Variants in MAGI1 observed in about 807,000 individuals in gnomAD.
The protein encoded by MAGI1 is membrane-associated guanylate kinase, WW and PDZ domain-containing protein 1.
MAGI1 carries 58 observed loss-of-function variants against 139.9 expected under a neutral mutation model. That is an observed-to-expected ratio of 0.41 (90% CI 0.34 to 0.52). The LOEUF (loss-of-function observed/expected upper bound fraction) is 0.52. Ranked by LOEUF, MAGI1 falls within the 20% of genes least tolerant of loss-of-function variation. The pLI is 0.12. For synonymous variants in MAGI1, 812 were observed against 737.9 expected (o/e 1.10, Z -1.63); for missense variants, 1,874 against 1,901.6 (o/e 0.99, Z 0.27).
intron 2 of MAGI1, among the ~76,000 whole-genome samples, chr3:65,607,980 C>T (rs999763616): frequency 7.9e-5 from 12 of 152,236 alleles, no homozygotes; most frequent in African/African-American, 2.7e-4. Flanking sequence ...ACTTAATCCT[C>T]GTGTGATTCT....
intron 2 of MAGI1, among the ~76,000 whole-genome samples, chr3:65,496,574 T>C (rs1298851620): frequency 6.6e-6 from 1 of 152,164 alleles, no homozygotes; most frequent in Non-Finnish European, 1.5e-5. Flanking sequence ...AGAACAGACA[T>C]ATTAAAAGTA....
At chr3:65,541,620 G>C (rs374193242) in intron 2 of MAGI1, among the ~76,000 whole-genome samples, 3 of 152,090 alleles carry the variant, frequency 2.0e-5, no homozygotes, top group Admixed American at 2.0e-4. Context: ...TTCAACGTAC[G>C]CAAATCAATA....
intron 1 of MAGI1, among the ~76,000 whole-genome samples, chr3:65,649,411 G>C (rs2085459232): frequency 6.6e-6 from 1 of 152,090 alleles, no homozygotes. Context: ...TAAAATGTGT[G>C]AAGTCTTTGG....
At chr3:65,359,866 G>T in intron 22 of MAGI1, 1 of 985,286 alleles carries the variant, frequency 1.0e-6, no homozygotes, top group Non-Finnish European at 1.2e-6. Flanking sequence ...ACTCTCAAAT[G>T]AAATATCACA....
At chr3:65,669,061 T>C (rs1391547262) in intron 1 of MAGI1, among the ~76,000 whole-genome samples, 12 of 151,922 alleles carry the variant, frequency 7.9e-5, no homozygotes, top group Admixed American at 2.6e-4. Context: ...CTCAGCCTCC[T>C]GAGTAGCTGG....
At position 65,888,629 on chromosome 3, in the gene MAGI1, C is replaced by T. The variant is rs1020008424; in HGVS notation, c.313+149367G>A. On this transcript the variant is annotated intron_variant, in intron 1 of 22. Transcript: ENST00000402939. ...TGGATTCACAAGTCTTAAACACACACATATACACAAGTACATACACATTTA... is the reference window on the plus strand; with the variant it reads ...TGGATTCACAAGTCTTAAACACACATATATACACAAGTACATACACATTTA... Among the ~76,000 whole-genome samples the T allele has an allele frequency of 2.0e-4, 31 of 152,116 alleles. 1 individual carries two copies. Among genetic ancestry groups the T allele is most frequent in the Non-Finnish European group, 1.8e-4 (12 of 68,022 alleles).
At chr3:65,561,000 G>A (rs1280234167) in intron 2 of MAGI1, among the ~76,000 whole-genome samples, 1 of 152,112 alleles carries the variant, frequency 6.6e-6, no homozygotes, top group Non-Finnish European at 1.5e-5. Flanking sequence ...CTATCAGTAT[G>A]GCAGATATAC....
chr3:65,959,422 T>C (rs979900413), intron 1 of MAGI1, among the ~76,000 whole-genome samples: 1 of 152,106 alleles, frequency 6.6e-6, no homozygotes, highest in African/African-American at 2.4e-5. Flanking sequence ...ACTATGTCTG[T>C]GCACAGTAAG....
chr3:65,411,941 C>A (rs1945826976), intron 12 of MAGI1, among the ~76,000 whole-genome samples: 1 of 152,160 alleles, frequency 6.6e-6, no homozygotes. Flanking sequence ...TAGATGACCA[C>A]ATGAGTCCAG....
At chr3:65,832,315 G>A (rs1275741280) in intron 1 of MAGI1, among the ~76,000 whole-genome samples, 1 of 152,306 alleles carries the variant, frequency 6.6e-6, no homozygotes, top group African/African-American at 2.4e-5. Context: ...TGATGCCAAG[G>A]GAGGGGCTAA....
intron 1 of MAGI1, among the ~76,000 whole-genome samples, chr3:65,970,933 G>A (rs1422398904): frequency 4.6e-5 from 7 of 152,190 alleles, no homozygotes; most frequent in African/African-American, 9.7e-5. Context: ...GGCTGGGCAC[G>A]GTGGCTCATG....
intron 1 of MAGI1, among the ~76,000 whole-genome samples, chr3:65,661,516 T>C (rs1208416420): frequency 3.9e-5 from 6 of 152,124 alleles, no homozygotes; most frequent in Non-Finnish European, 8.8e-5. Flanking sequence ...GAGACTATCG[T>C]CAAGATGTTT....
chr3:65,778,573 C>A (rs948171827), intron 1 of MAGI1, among the ~76,000 whole-genome samples: 3 of 152,070 alleles, frequency 2.0e-5, no homozygotes, highest in Non-Finnish European at 4.4e-5. Context: ...CACTCCACAC[C>A]CAGAAGATGG....
chr3:65,572,938 C>T (rs1037185792), intron 2 of MAGI1, among the ~76,000 whole-genome samples: 1 of 151,648 alleles, frequency 6.6e-6, no homozygotes, highest in Non-Finnish European at 1.5e-5. Flanking sequence ...TTCTCTCCAA[C>T]ATTTACATTT....
At chr3:65,426,804 T>A (rs1001160100) in intron 12 of MAGI1, among the ~76,000 whole-genome samples, 6 of 152,330 alleles carry the variant, frequency 3.9e-5, no homozygotes, top group Middle Eastern at 3.4e-3. Context: ...AAACTTTCTA[T>A]CCTATACATA....
chr3:65,898,087 T>TA (rs2061058572), intron 1 of MAGI1, among the ~76,000 whole-genome samples: 1 of 152,198 alleles, frequency 6.6e-6, no homozygotes, highest in South Asian at 2.1e-4. Context: ...CACTTAAGAA[T>TA]AAATGCTTGT....
At chr3:65,531,591 C>A (rs1223263229) in intron 2 of MAGI1, among the ~76,000 whole-genome samples, 1 of 152,182 alleles carries the variant, frequency 6.6e-6, no homozygotes, top group Admixed American at 6.5e-5. Context: ...GGCTCCAATT[C>A]CCTATCCATC....
intron 1 of MAGI1, among the ~76,000 whole-genome samples, chr3:65,950,413 G>A (rs973179178): frequency 1.3e-5 from 2 of 151,922 alleles, no homozygotes; most frequent in East Asian, 3.9e-4. Context: ...GGCCCCAAAA[G>A]ACTAAAAGCC....
chr3:65,988,912 T>C (rs1407296092), intron 1 of MAGI1, among the ~76,000 whole-genome samples: 2 of 152,146 alleles, frequency 1.3e-5, no homozygotes, highest in East Asian at 1.9e-4. Context: ...ATTTTAAAAA[T>C]ATATTTTCTC....
Sources: allele counts gnomAD v4.1 joint callset (sites outside exome capture counted in the v4.1 genomes callset), GRCh38; gene constraint gnomAD v4.1.1; transcripts MANE v1.5; gene names NCBI Gene and HGNC (gene_info 2026-07-23, HGNC 2026-07-21).